LSAMP: variants seen among roughly 807,000 people sequenced by gnomAD.
LSAMP encodes limbic system-associated membrane protein.
LSAMP carries 7 observed loss-of-function variants against 38.6 expected under a neutral mutation model. The observed-to-expected ratio is 0.18, with a 90% confidence interval of 0.10 to 0.34. The LOEUF (loss-of-function observed/expected upper bound fraction) is 0.34, where lower values mean the gene tolerates loss of function less well. Ranked by LOEUF, LSAMP falls within the 10% of genes least tolerant of loss-of-function variation. The pLI is 1.00. For missense variants in LSAMP, 313 were observed against 420.0 expected (o/e 0.75, Z 2.23); for synonymous variants, 154 against 166.8 (o/e 0.92, Z 0.59).
chr3:116,037,585 C>A (rs1250432663), intron 2 of LSAMP, among the ~76,000 whole-genome samples: 2 of 152,006 alleles, frequency 1.3e-5, no homozygotes, highest in Non-Finnish European at 1.5e-5. Flanking sequence ...TTAACTAAAT[C>A]ATTTAGGGAA....
chr3:116,127,313 T>C (rs763318397), intron 1 of LSAMP, among the ~76,000 whole-genome samples: 1 of 152,210 alleles, frequency 6.6e-6, no homozygotes, highest in Non-Finnish European at 1.5e-5. Context: ...AACATCCAAG[T>C]GACACATACA....
chr3:115,962,211 T>C (rs1313204027), intron 3 of LSAMP, among the ~76,000 whole-genome samples: 1 of 152,228 alleles, frequency 6.6e-6, no homozygotes, highest in South Asian at 2.1e-4. Context: ...TGAAGAATTA[T>C]AGAAGTTACT....
chr3:115,983,448 G>T lies in LSAMP; in HGVS notation c.514+36067C>A, dbSNP rs1939421317. ...AGGTGAGAGGATGGCTTGAGCCCAG[G>T]AGGTCCAGGCTGCAGCAAGCCATGA... On this transcript the variant is annotated intron_variant, in intron 3 of 6. Coordinates refer to ENST00000490035, the MANE Select transcript of LSAMP (RefSeq NM_002338.5). 3.9e-5 allele frequency among the ~76,000 whole-genome samples: 6 copies of T among 152,192 alleles called. 1 individual carries two copies. In the South Asian group the frequency reaches 1.2e-3, roughly 32 times the overall value.
chr3:116,146,509 T>C (rs1709493726), intron 1 of LSAMP, among the ~76,000 whole-genome samples: 1 of 151,918 alleles, frequency 6.6e-6, no homozygotes, highest in Non-Finnish European at 1.5e-5. Flanking sequence ...TAATATTTGT[T>C]GACACCTTTT....
At chr3:116,182,987 C>T (rs1463015840) in intron 1 of LSAMP, among the ~76,000 whole-genome samples, 1 of 151,860 alleles carries the variant, frequency 6.6e-6, no homozygotes, top group Admixed American at 6.6e-5. Flanking sequence ...TCTCTGTTTA[C>T]ACCTGCATAA....
intron 3 of LSAMP, among the ~76,000 whole-genome samples, chr3:115,911,967 T>C (rs1217797325): frequency 2.0e-5 from 3 of 152,210 alleles, no homozygotes; most frequent in Non-Finnish European, 4.4e-5. Flanking sequence ...AACATCTATA[T>C]AACCTCGTCA....
chr3:116,305,757 T>A (rs1277643224), intron 1 of LSAMP, among the ~76,000 whole-genome samples: 1 of 151,900 alleles, frequency 6.6e-6, no homozygotes, highest in Admixed American at 6.6e-5. Flanking sequence ...ACAAACAGAA[T>A]TATTTACACT....
intron 1 of LSAMP, among the ~76,000 whole-genome samples, chr3:116,097,913 T>TTA (rs1708259851): frequency 6.6e-6 from 1 of 151,984 alleles, no homozygotes; most frequent in Non-Finnish European, 1.5e-5. Flanking sequence ...TTTTGTATTT[T>TTA]TAGGTAAGAT....
chr3:115,864,144 G>A (rs1325283553), intron 3 of LSAMP, among the ~76,000 whole-genome samples: 1 of 152,134 alleles, frequency 6.6e-6, no homozygotes, highest in Non-Finnish European at 1.5e-5. Context: ...ATTGTTAGAA[G>A]CACTTTGCCC....
chr3:116,047,780 A>C (rs1352838009), intron 2 of LSAMP, among the ~76,000 whole-genome samples: 1 of 152,152 alleles, frequency 6.6e-6, no homozygotes, highest in Non-Finnish European at 1.5e-5. Context: ...TGACAGGTAA[A>C]ATTATATGTA....
intron 3 of LSAMP, among the ~76,000 whole-genome samples, chr3:115,902,775 A>G (rs1936910656): frequency 6.6e-6 from 1 of 152,182 alleles, no homozygotes. Flanking sequence ...AGAAATGCAA[A>G]TCAAAACCAC....
intron 2 of LSAMP, among the ~76,000 whole-genome samples, chr3:116,027,870 A>G (rs1701146047): frequency 6.6e-6 from 1 of 152,164 alleles, no homozygotes; most frequent in Non-Finnish European, 1.5e-5. Flanking sequence ...TATTATTTGT[A>G]CTCAATTCAA....
At chr3:116,254,281 T>A (rs563253243) in intron 1 of LSAMP, among the ~76,000 whole-genome samples, 1 of 152,268 alleles carries the variant, frequency 6.6e-6, no homozygotes, top group East Asian at 1.9e-4. Flanking sequence ...TATTGATTCA[T>A]GTAACATACA....
At chr3:115,993,785 A>G (rs1939740165) in intron 3 of LSAMP, among the ~76,000 whole-genome samples, 1 of 152,028 alleles carries the variant, frequency 6.6e-6, no homozygotes, top group Non-Finnish European at 1.5e-5. Context: ...TATATTTTCA[A>G]TTCCTTTCCT....
At chr3:116,366,801 A>G (rs2048360249) in intron 1 of LSAMP, among the ~76,000 whole-genome samples, 1 of 152,194 alleles carries the variant, frequency 6.6e-6, no homozygotes, top group African/African-American at 2.4e-5. Context: ...TGCTATGTAC[A>G]AAAGAGAAGG....
At chr3:115,873,980 G>A (rs1220650660) in intron 3 of LSAMP, among the ~76,000 whole-genome samples, 1 of 152,160 alleles carries the variant, frequency 6.6e-6, no homozygotes, top group Non-Finnish European at 1.5e-5. Flanking sequence ...TTTGCAGGAT[G>A]CAGAGCCTCT....
intron 6 of LSAMP, among the ~76,000 whole-genome samples, chr3:115,813,408 T>C (rs1933904308): frequency 6.6e-6 from 1 of 152,178 alleles, no homozygotes; most frequent in Admixed American, 6.6e-5. Flanking sequence ...AGCTATATTA[T>C]TGAGGTTTGT....
intron 2 of LSAMP, among the ~76,000 whole-genome samples, chr3:116,054,207 T>C (rs751543986): frequency 1.3e-5 from 2 of 152,234 alleles, no homozygotes; most frequent in Non-Finnish European, 2.9e-5. Context: ...CTTTTTGATT[T>C]TGACTCTGAA....
chr3:116,037,144 T>C lies in LSAMP; in HGVS notation c.389-17504A>G, dbSNP rs114049898. Among the ~76,000 whole-genome samples, 577 of 152,308 alleles carry C rather than the reference T, an allele frequency of 3.8e-3. 2 individuals carry two copies. Among genetic ancestry groups the C allele is most frequent in the African/African-American group, 0.012 (506 of 41,572 alleles). The stretch of plus-strand genomic sequence containing the variant: ...ATCAGAACAAATAAGATTTCAAACA[T>C]AGGTCAAGTATGTTCTCAGTTTCCC... On this transcript the variant is annotated intron_variant, in intron 2 of 6. Transcript: ENST00000490035.
Sources: allele counts gnomAD v4.1 joint callset (sites outside exome capture counted in the v4.1 genomes callset), GRCh38; gene constraint gnomAD v4.1.1; transcripts MANE v1.5; gene names NCBI Gene and HGNC (gene_info 2026-07-23, HGNC 2026-07-21).